The following XKR9 variants were observed in gnomAD, a reference collection of about 807,000 sequenced individuals.
The protein encoded by XKR9 is XK-related protein 9.
Under a neutral mutation model 32.0 loss-of-function variants are expected in XKR9, and 32 were observed. The ratio of observed to expected loss-of-function variants is 1.00; its 90% confidence interval spans 0.76 to 1.34. XKR9 has a LOEUF of 1.34. XKR9 is among the 40% of genes most tolerant of loss of function. The pLI, the probability that XKR9 is intolerant of heterozygous loss-of-function variation, is 0.00. For synonymous variants in XKR9, 168 were observed against 143.4 expected, an observed-to-expected ratio of 1.17 and a Z score of -1.22; for missense variants, 546 against 429.7, an observed-to-expected ratio of 1.27 and a Z score of -2.39.
chr8:70,957,033 C>T, the XKR9 span, among the ~76,000 whole-genome samples: 1 of 152,220 alleles, frequency 6.6e-6, no homozygotes, highest in Non-Finnish European at 1.5e-5. Context: ...TGTGCAGCCC[C>T]AGCTGCACCT....
the XKR9 span, among the ~76,000 whole-genome samples, chr8:70,931,347 T>A: frequency 6.6e-6 from 1 of 152,126 alleles, no homozygotes; most frequent in Non-Finnish European, 1.5e-5. Flanking sequence ...GATATGTCCA[T>A]CTATAGCTTT....
the XKR9 span, among the ~76,000 whole-genome samples, chr8:71,044,739 A>T: frequency 2.0e-5 from 3 of 152,222 alleles, no homozygotes; most frequent in Admixed American, 6.5e-5. Flanking sequence ...TTTCAGGGTA[A>T]TACAAAGAAA....
chr8:70,942,883 C>A, the XKR9 span, among the ~76,000 whole-genome samples: 2 of 152,050 alleles, frequency 1.3e-5, no homozygotes, highest in Non-Finnish European at 2.9e-5. Context: ...GTCTTACCTA[C>A]TTTTTCTATT....
chr8:70,878,314 T>G, the XKR9 span, among the ~76,000 whole-genome samples: 5 of 152,104 alleles, frequency 3.3e-5, no homozygotes, highest in Non-Finnish European at 7.4e-5. Context: ...AATATTAACC[T>G]TAAATGTAAA....
the XKR9 span, among the ~76,000 whole-genome samples, chr8:70,856,807 G>A: frequency 1.3e-5 from 2 of 152,118 alleles, no homozygotes; most frequent in Non-Finnish European, 2.9e-5. Context: ...CTAGAACTCA[G>A]GATTAAGAAA....
chr8:70,675,482 A>G (rs1282596850), intron 2 of XKR9, among the ~76,000 whole-genome samples: 1 of 152,202 alleles, frequency 6.6e-6, no homozygotes, highest in Non-Finnish European at 1.5e-5. Context: ...GCCAGGCTGC[A>G]CATTTTTCAA....
Position 70,742,454 on chromosome 8 carries a change from G to T in XKR9, n.352+35301G>T, listed in dbSNP as rs571246514. On this transcript the variant is annotated intron_variant and non_coding_transcript_variant, in intron 2 of 3. Transcript: ENST00000520273. ...ATTCGGAATCTTTGAGTAATAAAGG[G>T]CCTAAAGACTTTGAATCATAAAGTG... 4.6e-5 allele frequency among the ~76,000 whole-genome samples: 7 copies of T among 152,328 alleles called. No homozygotes were observed. The South Asian group carries it at 1.2e-3, about 27-fold the overall frequency.
chr8:70,776,961 A>ATATATG (rs796746390), intron 2 of XKR9, among the ~76,000 whole-genome samples: 1,374 of 88,036 alleles, frequency 0.016, 34 homozygotes, highest in Non-Finnish European at 0.018. Context: ...ATATATATAT[A>ATATATG]TATGTATGTA....
chr8:70,746,150 A>G (rs922361590), intron 2 of XKR9, among the ~76,000 whole-genome samples: 1 of 151,170 alleles, frequency 6.6e-6, no homozygotes, highest in African/African-American at 2.4e-5. Flanking sequence ...GTTAAACAGC[A>G]TATAATAAAT....
At chr8:70,920,798 A>G in the XKR9 span, among the ~76,000 whole-genome samples, 41 of 152,320 alleles carry the variant, frequency 2.7e-4, no homozygotes, top group Admixed American at 2.5e-3. Flanking sequence ...TTAGGTTTCT[A>G]TGACAAGTAA....
chr8:71,055,030 G>C, the XKR9 span, among the ~76,000 whole-genome samples: 1 of 152,054 alleles, frequency 6.6e-6, no homozygotes, highest in African/African-American at 2.4e-5. Context: ...TTTTTCTCTA[G>C]ACTTCAAGGA....
intron 1 of XKR9, among the ~76,000 whole-genome samples, chr8:70,672,369 G>T (rs1397403861): frequency 1.8e-5 from 1 of 57,000 alleles, no homozygotes; most frequent in African/African-American, 4.4e-5. Context: ...TACCAAAACA[G>T]AGATATAGAT....
At chr8:71,051,221 T>C in the XKR9 span, among the ~76,000 whole-genome samples, 1 of 152,210 alleles carries the variant, frequency 6.6e-6, no homozygotes, top group African/African-American at 2.4e-5. Flanking sequence ...CCATATACCA[T>C]AGCCCATAAT....
chr8:70,788,858 A>T (rs1444419185), intron 2 of XKR9, among the ~76,000 whole-genome samples: 1 of 152,102 alleles, frequency 6.6e-6, no homozygotes, highest in African/African-American at 2.4e-5. Context: ...TGGATGTGAG[A>T]GTGTGTTGGG....
the XKR9 span, among the ~76,000 whole-genome samples, chr8:70,836,155 C>T: frequency 2.0e-5 from 3 of 151,896 alleles, no homozygotes; most frequent in Non-Finnish European, 2.9e-5. Flanking sequence ...GTATGCTTTC[C>T]TCAACCACTT....
intron 3 of XKR9, among the ~76,000 whole-genome samples, chr8:70,705,729 C>T (rs995194122): frequency 2.0e-5 from 3 of 152,102 alleles, no homozygotes; most frequent in Non-Finnish European, 4.4e-5. Context: ...ACATTTTCTA[C>T]CCCAATGAGT....
chr8:71,015,734 G>A, the XKR9 span, among the ~76,000 whole-genome samples: 1 of 151,836 alleles, frequency 6.6e-6, no homozygotes, highest in Admixed American at 6.6e-5. Context: ...TGCTAAGACT[G>A]GAGTTTCAAA....
At chr8:70,875,291 C>A in the XKR9 span, among the ~76,000 whole-genome samples, 2 of 152,096 alleles carry the variant, frequency 1.3e-5, no homozygotes, top group African/African-American at 4.8e-5. Context: ...GTGGAGAATG[C>A]CTCCGTTTAT....
chr8:70,862,621 A>C, the XKR9 span, among the ~76,000 whole-genome samples: 1 of 147,590 alleles, frequency 6.8e-6, no homozygotes, highest in African/African-American at 2.5e-5. Context: ...TAAACAAATA[A>C]ATATTACATC....
Sources: gnomAD v4.1 joint callset for allele counts (sites outside exome capture counted in the v4.1 genomes callset) on GRCh38, gnomAD v4.1.1 for gene constraint, MANE v1.5 for transcripts, NCBI Gene and HGNC (gene_info 2026-07-23, HGNC 2026-07-21) for gene names.